Variants in SLC2A13 observed in about 807,000 individuals in gnomAD.
SLC2A13 encodes the protein solute carrier family 2 member 13.
A neutral mutation model predicts 64.4 loss-of-function variants in SLC2A13; 32 were observed. The ratio of observed to expected loss-of-function variants is 0.50; its 90% confidence interval spans 0.37 to 0.67. The LOEUF (loss-of-function observed/expected upper bound fraction) is 0.67, where lower values mean the gene tolerates loss of function less well. Ranked by LOEUF, SLC2A13 falls within the 30% of genes least tolerant of loss-of-function variation. SLC2A13 has a pLI of 0.00. For synonymous variants in SLC2A13, 338 were observed against 327.1 expected (o/e 1.03, Z -0.36); for missense variants, 743 against 829.2 (o/e 0.90, Z 1.28).
chr12:39,867,250 T>G (rs1943933900), intron 5 of SLC2A13, among the ~76,000 whole-genome samples: 1 of 152,184 alleles, frequency 6.6e-6, no homozygotes, highest in Admixed American at 6.5e-5. Context: ...TTTGATATAT[T>G]AAGATGTGAA....
chr12:39,913,334 T>A (rs1945461492), intron 4 of SLC2A13, among the ~76,000 whole-genome samples: 1 of 151,700 alleles, frequency 6.6e-6, no homozygotes, highest in Non-Finnish European at 1.5e-5. Context: ...AACAAAAAGT[T>A]TAAAATCTGA....
At chr12:39,879,150 C>T (rs1187454378) in intron 4 of SLC2A13, among the ~76,000 whole-genome samples, 1 of 152,248 alleles carries the variant, frequency 6.6e-6, no homozygotes, top group Non-Finnish European at 1.5e-5. Context: ...GCAGCCTCTG[C>T]CAAGATTTTG....
At chr12:39,870,153 C>T (rs1944007078) in intron 5 of SLC2A13, among the ~76,000 whole-genome samples, 1 of 152,152 alleles carries the variant, frequency 6.6e-6, no homozygotes, top group Non-Finnish European at 1.5e-5. Context: ...TTCCCCAGAT[C>T]TCAAAGGCCA....
At chr12:39,887,508 G>T (rs948714691) in intron 4 of SLC2A13, among the ~76,000 whole-genome samples, 13 of 152,158 alleles carry the variant, frequency 8.5e-5, no homozygotes, top group African/African-American at 2.9e-4. Context: ...GAAAAAAGGG[G>T]ATAAAAAAGG....
intron 7 of SLC2A13, among the ~76,000 whole-genome samples, chr12:39,798,124 C>G (rs923406885): frequency 3.3e-5 from 5 of 152,116 alleles, no homozygotes; most frequent in African/African-American, 1.2e-4. Context: ...GCCAAGCTGC[C>G]CAATGGAAAA....
At chr12:40,007,771 T>G (rs1592000925) in intron 3 of SLC2A13, among the ~76,000 whole-genome samples, 1 of 152,020 alleles carries the variant, frequency 6.6e-6, no homozygotes, top group Non-Finnish European at 1.5e-5. Context: ...CTGTAAGAAT[T>G]AAAAGAAAAA....
chr12:39,944,459 A>G (rs923876654), intron 4 of SLC2A13, among the ~76,000 whole-genome samples: 1 of 152,188 alleles, frequency 6.6e-6, no homozygotes, highest in Non-Finnish European at 1.5e-5. Context: ...GTCTCCCACT[A>G]TTATTGTGTT....
chr12:40,087,036 C>T (rs865981453), intron 1 of SLC2A13, among the ~76,000 whole-genome samples: 2 of 152,302 alleles, frequency 1.3e-5, no homozygotes, highest in Middle Eastern at 3.4e-3. Flanking sequence ...GTACCCAGTC[C>T]TCAGATTGAT....
intron 6 of SLC2A13, among the ~76,000 whole-genome samples, chr12:39,832,143 T>C (rs113918021): frequency 0.019 from 2,935 of 152,206 alleles, 50 homozygotes; most frequent in South Asian, 0.03. Context: ...AATATAAAAT[T>C]TTCCACACTG....
At chr12:39,943,393 G>C (rs1946076291) in intron 4 of SLC2A13, among the ~76,000 whole-genome samples, 1 of 152,200 alleles carries the variant, frequency 6.6e-6, no homozygotes, top group Admixed American at 6.5e-5. Flanking sequence ...CAGGAAGACG[G>C]GAGTTTGATC....
Position 39,811,487 on chromosome 12 carries a change from C to T in SLC2A13, c.1445+18616G>A, listed in dbSNP as rs567842862. ...AAGTATTGCTTTAGCTGTCCCCTGA[C>T]GTTCTTGATATGTTATAATTTCATT... On this transcript the variant is annotated intron_variant, in intron 7 of 9. Coordinates refer to ENST00000280871, the MANE Select transcript of SLC2A13 (RefSeq NM_052885.4). Among the ~76,000 whole-genome samples, 15 of 152,122 alleles carry T rather than the reference C, an allele frequency of 9.9e-5. 1 individual carries two copies. In the South Asian group the frequency reaches 1.2e-3, roughly 13 times the overall value.
chr12:39,903,655 A>T (rs1592269151), intron 4 of SLC2A13, among the ~76,000 whole-genome samples: 1 of 152,050 alleles, frequency 6.6e-6, no homozygotes, highest in African/African-American at 2.4e-5. Flanking sequence ...GGGCTTCTAC[A>T]GGCATCTTCT....
chr12:39,862,249 C>T (rs1424130782), intron 6 of SLC2A13, among the ~76,000 whole-genome samples: 1 of 152,198 alleles, frequency 6.6e-6, no homozygotes, highest in South Asian at 2.1e-4. Context: ...AATCTCAAGT[C>T]ATTAGGGAGC....
rs1555144118 is a variant in SLC2A13 at position 39,968,760 on chromosome 12, G to GTTTATATATATATATA, written c.926-17396_926-17395insTATATATATATATAAA. On this transcript the variant is annotated intron_variant, in intron 3 of 9. Transcript: ENST00000280871. ...TTTTTATTTTTGTTGTTTTTTTTTG[G>GTTTATATATATATATA]TATATATATATATATATATATATAT... is the stretch of plus-strand genomic sequence containing the variant. Among the ~76,000 whole-genome samples, 22 of 59,874 alleles carry GTTTATATATATATATA rather than the reference G, an allele frequency of 3.7e-4. 3 individuals are homozygous for GTTTATATATATATATA. The highest frequency in any genetic ancestry group is 7.7e-4 in the Non-Finnish European group (17 of 22,028). The allele number at this position is 59,874 out of a possible 152,430, so 39.3% of individuals were successfully genotyped here.
At chr12:39,872,126 A>T (rs1348741634) in intron 4 of SLC2A13, among the ~76,000 whole-genome samples, 165 bp from the exon 5 acceptor site, 1 of 152,218 alleles carries the variant, frequency 6.6e-6, no homozygotes, top group African/African-American at 2.4e-5. Context: ...AGATCACAAT[A>T]TAAAGACTAT....
chr12:39,924,453 C>G lies in SLC2A13; in HGVS notation c.1034+26804G>C, dbSNP rs151146026. Among the ~76,000 whole-genome samples, 58 of 151,384 alleles carry G rather than the reference C, an allele frequency of 3.8e-4. No homozygotes were observed. In the East Asian group the frequency reaches 8.4e-3, roughly 22 times the overall value. ...ATCATTAGTATAGAAGTATTTGCTT[C>G]AATCACTGTTTTCAATTCTTCTTCC... is the stretch of plus-strand genomic sequence containing the variant. On this transcript the variant is annotated intron_variant, in intron 4 of 9. Transcript: ENST00000280871.
At chr12:40,083,325 T>C (rs902610432) in intron 1 of SLC2A13, among the ~76,000 whole-genome samples, 8 of 152,170 alleles carry the variant, frequency 5.3e-5, no homozygotes, top group Admixed American at 4.6e-4. Context: ...AAATCTGCTA[T>C]GCATAAAACC....
intron 1 of SLC2A13, among the ~76,000 whole-genome samples, chr12:40,072,203 A>G (rs1368918478): frequency 6.6e-6 from 1 of 152,048 alleles, no homozygotes; most frequent in Non-Finnish European, 1.5e-5. Context: ...GCATTTTGGA[A>G]TTATCCAGCT....
chr12:39,866,174 A>T (rs1484781376), intron 5 of SLC2A13, among the ~76,000 whole-genome samples: 1 of 152,222 alleles, frequency 6.6e-6, no homozygotes, highest in Non-Finnish European at 1.5e-5. Flanking sequence ...TTATGAACAA[A>T]AATATTCAAA....
Sources: allele counts gnomAD v4.1 joint callset (sites outside exome capture counted in the v4.1 genomes callset), GRCh38; gene constraint gnomAD v4.1.1; transcripts MANE v1.5; gene names NCBI Gene and HGNC (gene_info 2026-07-23, HGNC 2026-07-21).